NRG3: variants seen among roughly 807,000 people sequenced by gnomAD.
NRG3 encodes pro-neuregulin-3, membrane-bound isoform.
In NRG3, 31 loss-of-function variants were observed where a neutral mutation model predicts 66.9. The observed-to-expected ratio is 0.46, with a 90% CI of 0.35 to 0.63. The LOEUF (loss-of-function observed/expected upper bound fraction) is 0.63. Among genes scored for constraint, NRG3 ranks in the 20% least tolerant of loss-of-function variants. NRG3 has a pLI of 0.00. For missense variants in NRG3, 910 were observed against 878.9 expected (o/e 1.04, Z -0.45); for synonymous variants, 393 against 359.4 (o/e 1.09, Z -1.06).
intron 2 of NRG3, among the ~76,000 whole-genome samples, chr10:82,734,609 C>T (rs918486462): frequency 3.3e-5 from 5 of 152,120 alleles, no homozygotes; most frequent in Non-Finnish European, 7.3e-5. Flanking sequence ...CTTACCATCT[C>T]TTCCACCACT....
chr10:82,808,549 G>A (rs978480852), intron 3 of NRG3, among the ~76,000 whole-genome samples: 4 of 152,040 alleles, frequency 2.6e-5, no homozygotes, highest in African/African-American at 9.6e-5. Context: ...GATTATATAT[G>A]TGATTAACTT....
intron 1 of NRG3, among the ~76,000 whole-genome samples, chr10:82,240,945 T>C (rs2076981664): frequency 6.6e-6 from 1 of 152,156 alleles, no homozygotes; most frequent in Admixed American, 6.5e-5. Context: ...TTTATTCTTA[T>C]AATTTTGTAA....
chr10:82,732,307 G>A (rs539970131), intron 2 of NRG3, among the ~76,000 whole-genome samples: 1 of 152,194 alleles, frequency 6.6e-6, no homozygotes, highest in South Asian at 2.1e-4. Flanking sequence ...TTTTAGATTG[G>A]AGAATAATTT....
intron 6 of NRG3, among the ~76,000 whole-genome samples, chr10:82,960,577 T>A (rs1469193183): frequency 6.6e-6 from 1 of 151,790 alleles, no homozygotes; most frequent in African/African-American, 2.4e-5. Flanking sequence ...AGCCATCATA[T>A]CCCCTGTGAC....
intron 4 of NRG3, among the ~76,000 whole-genome samples, chr10:82,926,934 A>T (rs902238656): frequency 6.6e-6 from 1 of 152,134 alleles, no homozygotes; most frequent in African/African-American, 2.4e-5. Flanking sequence ...TCTTTGGGTC[A>T]TTCCCCCAAT....
intron 3 of NRG3, among the ~76,000 whole-genome samples, chr10:82,790,823 C>T (rs2060557103): frequency 1.3e-5 from 2 of 151,776 alleles, no homozygotes; most frequent in Admixed American, 1.3e-4. Context: ...ATCATAAATT[C>T]ACTGTTTTTT....
chr10:82,059,594 TC>T (rs1473360525), intron 1 of NRG3, among the ~76,000 whole-genome samples: 1 of 152,102 alleles, frequency 6.6e-6, no homozygotes, highest in Non-Finnish European at 1.5e-5. Flanking sequence ...GTGACAATGT[TC>T]CCCATCCTCT....
intron 1 of NRG3, among the ~76,000 whole-genome samples, chr10:82,064,264 A>T (rs554329655): frequency 6.6e-6 from 1 of 152,258 alleles, no homozygotes; most frequent in South Asian, 2.1e-4. Context: ...TCATTCTAGT[A>T]CCATGGAGAT....
intron 2 of NRG3, among the ~76,000 whole-genome samples, chr10:82,573,081 G>A (rs2045835964): frequency 6.6e-6 from 1 of 151,830 alleles, no homozygotes; most frequent in Non-Finnish European, 1.5e-5. Flanking sequence ...GGCAATGGAA[G>A]GATATGTGAG....
intron 4 of NRG3, among the ~76,000 whole-genome samples, chr10:82,943,747 T>C (rs1326800776): frequency 6.6e-6 from 1 of 152,144 alleles, no homozygotes; most frequent in Non-Finnish European, 1.5e-5. Context: ...AAAATAATGC[T>C]TTATTAGGTT....
chr10:82,362,447 C>G (rs995558172), intron 2 of NRG3, among the ~76,000 whole-genome samples: 1 of 150,738 alleles, frequency 6.6e-6, no homozygotes, highest in Non-Finnish European at 1.5e-5. Context: ...GATCTTGGCT[C>G]ACTGCAGCCT....
At chr10:82,951,664 A>C in intron 5 of NRG3, 93 bp downstream of exon 5, 2 of 1,064,704 alleles carry the variant, frequency 1.9e-6, no homozygotes, top group South Asian at 1.4e-5. Flanking sequence ...ACACAGAGGG[A>C]ACCTGTGGAA....
rs1389375279 is a variant in NRG3, at chr10:82,491,316, A to AT, written c.953+132448_953+132449insT. Among the ~76,000 whole-genome samples, 229 of 136,468 alleles carry AT rather than the reference A, an allele frequency of 1.7e-3. 1 individual carries two copies. The highest frequency in any genetic ancestry group is 5.0e-3 in the African/African-American group (193 of 38,760). 89.5% of individuals were successfully genotyped at this position (136,468 alleles called of 152,430 possible). A position where few individuals can be genotyped will look rare whatever the true frequency, so the allele number is the denominator to read the frequency against. On this transcript the variant is annotated intron_variant, in intron 2 of 8. Transcript: ENST00000372141. ...AAAATATATATATATATATATATAT[A>AT]AAATAAAGATGCATCGCTTTCTAAC...
chr10:82,335,480 A>G (rs745612613), intron 1 of NRG3, among the ~76,000 whole-genome samples: 5 of 152,148 alleles, frequency 3.3e-5, no homozygotes, highest in Non-Finnish European at 5.9e-5. Flanking sequence ...AGGTACTCTC[A>G]TTATCTCCAT....
At chr10:82,963,150 C>G (rs1396679897) in intron 6 of NRG3, among the ~76,000 whole-genome samples, 1 of 152,154 alleles carries the variant, frequency 6.6e-6, no homozygotes, top group Admixed American at 6.5e-5. Flanking sequence ...AGGGGAATCT[C>G]AAGCCTACCT....
rs1391637343 is a variant in NRG3, at chr10:82,749,536, A to G, written c.1027+10886A>G. ...GGAGCCTGATTCTGCTCAACTCTCC[A>G]TACAGTTTAATTTTATATACAAGTT... On this transcript the variant is annotated intron_variant, in intron 3 of 8. Coordinates refer to ENST00000372141, the MANE Select transcript of NRG3 (RefSeq NM_001010848.4). Among the ~76,000 whole-genome samples, 3 of 152,176 alleles carry G rather than the reference A, an allele frequency of 2.0e-5. No individual in the cohort carries two copies. In the South Asian group the frequency reaches 6.2e-4, roughly 32 times the overall value.
chr10:82,319,300 A>G (rs2081440230), intron 1 of NRG3, among the ~76,000 whole-genome samples: 1 of 152,196 alleles, frequency 6.6e-6, no homozygotes, highest in Non-Finnish European at 1.5e-5. Context: ...GGATTAGTCA[A>G]TCGCTTTTTC....
chr10:82,910,174 GAC>G (rs1356231457), intron 4 of NRG3, among the ~76,000 whole-genome samples: 2 of 152,148 alleles, frequency 1.3e-5, no homozygotes, highest in South Asian at 2.1e-4. Flanking sequence ...ATTTTTAAAA[GAC>G]AAATTTGTAA....
chr10:82,452,584 C>T (rs375334520), intron 2 of NRG3, among the ~76,000 whole-genome samples: 1 of 152,102 alleles, frequency 6.6e-6, no homozygotes, highest in African/African-American at 2.4e-5. Context: ...CCCTTTTACT[C>T]ATTCACTGAG....
Sources: allele counts gnomAD v4.1 joint callset (sites outside exome capture counted in the v4.1 genomes callset), GRCh38; gene constraint gnomAD v4.1.1; transcripts MANE v1.5; gene names NCBI Gene and HGNC (gene_info 2026-07-23, HGNC 2026-07-21).